The following SETBP1 variants were observed in gnomAD, a reference collection of about 807,000 sequenced individuals.
The protein encoded by SETBP1 is SET-binding protein.
A neutral mutation model predicts 101.0 loss-of-function variants in SETBP1; 9 were observed. That is an observed-to-expected ratio of 0.09 (90% confidence interval 0.05 to 0.16). The LOEUF is 0.16. Ranked by LOEUF, SETBP1 falls within the 10% of genes least tolerant of loss-of-function variation. The pLI, the probability that SETBP1 is intolerant of heterozygous loss-of-function variation, is 1.00. For missense variants in SETBP1, 1,858 were observed against 2,033.8 expected (o/e 0.91, Z 1.66); for synonymous variants, 818 against 788.5 (o/e 1.04, Z -0.63).
chr18:44,758,167 C>A (rs2070546682), intron 2 of SETBP1, among the ~76,000 whole-genome samples: 1 of 152,170 alleles, frequency 6.6e-6, no homozygotes, highest in Admixed American at 6.5e-5. Context: ...ACATAGATTA[C>A]TGAGGCAGCC....
At chr18:44,943,840 C>CTTT (rs57430235) in intron 3 of SETBP1, among the ~76,000 whole-genome samples, 31 of 142,662 alleles carry the variant, frequency 2.2e-4, no homozygotes, top group East Asian at 8.2e-4. Context: ...CTTTTTTTTT[C>CTTT]TTTTTTTTTT....
intron 2 of SETBP1, among the ~76,000 whole-genome samples, chr18:44,830,306 G>A (rs1490703527): frequency 6.6e-6 from 1 of 152,196 alleles, no homozygotes; most frequent in Non-Finnish European, 1.5e-5. Flanking sequence ...GTCTCTTTGG[G>A]AAGTGCTGCT....
rs762454166 is a variant in SETBP1 at position 44,952,079 on chromosome 18, C to T, written c.2739C>T (p.Asn913=). The T allele has an allele frequency of 3.1e-6, 5 of 1,614,092 alleles. No individual in the cohort carries two copies. The highest frequency in any genetic ancestry group is 4.2e-6 in the Non-Finnish European group (5 of 1,180,020). ...EAIPSDTSTK[N]RHGHRQKHLI... is the part of the protein sequence containing the mutation. ...TTCCGTCCGACACCAGCACAAAGAA[C>T]CGGCATGGCCACCGGCAAAAGCATC... Residue 913 remains asparagine (N), a synonymous_variant, in exon 4 of 6, where the codon AAC becomes AAT. Coordinates refer to ENST00000649279, the MANE Select transcript of SETBP1 (RefSeq NM_015559.3).
chr18:44,747,013 A>G (rs1051298051), intron 2 of SETBP1, among the ~76,000 whole-genome samples: 1 of 152,186 alleles, frequency 6.6e-6, no homozygotes, highest in African/African-American at 2.4e-5. Context: ...CCAGAGATAG[A>G]CCTTGGCCCA....
intron 3 of SETBP1, among the ~76,000 whole-genome samples, chr18:44,915,443 C>T (rs938061276): frequency 6.6e-6 from 1 of 152,172 alleles, no homozygotes; most frequent in Non-Finnish European, 1.5e-5. Flanking sequence ...CAACCCTATG[C>T]TAAACACCAC....
chr18:44,969,765 A>C (rs1051760141), intron 4 of SETBP1, among the ~76,000 whole-genome samples: 8 of 152,196 alleles, frequency 5.3e-5, no homozygotes, highest in African/African-American at 1.9e-4. Flanking sequence ...ATTGTTTGGA[A>C]AGTGAAATGA....
chr18:44,961,055 G>A (rs891945742), intron 4 of SETBP1, among the ~76,000 whole-genome samples: 1 of 152,182 alleles, frequency 6.6e-6, no homozygotes, highest in South Asian at 2.1e-4. Context: ...GAATGATGAG[G>A]GGCTTAGGCA....
At chr18:44,861,440 G>A (rs2069010003) in intron 2 of SETBP1, among the ~76,000 whole-genome samples, 1 of 151,392 alleles carries the variant, frequency 6.6e-6, no homozygotes, top group Non-Finnish European at 1.5e-5. Flanking sequence ...TGAGGTGTTA[G>A]CCAGGATGGT....
chr18:44,984,508 G>A (rs547019142), intron 4 of SETBP1, among the ~76,000 whole-genome samples: 74 of 152,268 alleles, frequency 4.9e-4, no homozygotes, highest in African/African-American at 1.7e-3. Flanking sequence ...TGCACCTGCC[G>A]CTTAACTCTT....
intron 2 of SETBP1, among the ~76,000 whole-genome samples, chr18:44,748,947 G>A (rs1200789178): frequency 2.0e-5 from 3 of 152,180 alleles, no homozygotes; most frequent in Admixed American, 1.3e-4. Flanking sequence ...AGAACACTCT[G>A]CTGGCTGTCT....
At chr18:45,041,150 G>A (rs376382127) in intron 5 of SETBP1, among the ~76,000 whole-genome samples, 2 of 152,214 alleles carry the variant, frequency 1.3e-5, no homozygotes, top group African/African-American at 2.4e-5. Flanking sequence ...CTGATTTCCA[G>A]TGGATTCCCA....
chr18:44,950,950 C>A lies in SETBP1; in HGVS notation c.1610C>A (p.Pro537Gln), dbSNP rs893030950. 3.1e-6 allele frequency: 5 copies of A among 1,614,154 alleles called. No homozygotes were observed. In the Admixed American group the frequency reaches 6.7e-5, roughly 22 times the overall value. The change falls in exon 4 of 6, where the codon CCA (proline) becomes CAA (glutamine). Residue 537 changes from proline to glutamine, a missense_variant. Pro to Gln is a moderately conservative substitution (Grantham distance 76). Coordinates refer to ENST00000649279, the MANE Select transcript of SETBP1 (RefSeq NM_015559.3). ...AAKRRWTCSK[P>Q]KPSTMLREAV... Reference sequence around the variant, plus strand: ...AAACGAAGGTGGACTTGCAGCAAACCAAAACCTAGCACCATGCTTCGAGAG... The same window carrying A: ...AAACGAAGGTGGACTTGCAGCAAACAAAAACCTAGCACCATGCTTCGAGAG...
chr18:44,903,468 C>T (rs904651809), intron 3 of SETBP1, among the ~76,000 whole-genome samples: 4 of 152,158 alleles, frequency 2.6e-5, no homozygotes, highest in Admixed American at 6.6e-5. Flanking sequence ...TGCCCAGCCA[C>T]GCTGTGAGAC....
chr18:44,969,216 C>G (rs1030515888), intron 4 of SETBP1, among the ~76,000 whole-genome samples: 1 of 152,126 alleles, frequency 6.6e-6, no homozygotes, highest in Non-Finnish European at 1.5e-5. Context: ...GGTTTCAAGG[C>G]GGGGGAAGAA....
At chr18:44,714,798 G>A (rs902953818) in intron 2 of SETBP1, among the ~76,000 whole-genome samples, 3 of 151,908 alleles carry the variant, frequency 2.0e-5, no homozygotes, top group Non-Finnish European at 4.4e-5. Flanking sequence ...AAAACCCAGG[G>A]CACTGTATTT....
intron 4 of SETBP1, among the ~76,000 whole-genome samples, chr18:44,985,287 T>C (rs987886950): frequency 2.0e-5 from 3 of 152,184 alleles, no homozygotes; most frequent in Admixed American, 6.5e-5. Flanking sequence ...TTGCCAGAAA[T>C]GGGCAGTGCC....
intron 4 of SETBP1, among the ~76,000 whole-genome samples, chr18:44,968,270 CT>C (rs2071764156): frequency 6.6e-6 from 1 of 152,110 alleles, no homozygotes; most frequent in African/African-American, 2.4e-5. Context: ...CACACAATTC[CT>C]GGGAATACAA....
intron 2 of SETBP1, among the ~76,000 whole-genome samples, chr18:44,847,024 G>A (rs1814606984): frequency 6.6e-6 from 1 of 152,112 alleles, no homozygotes; most frequent in Admixed American, 6.5e-5. Flanking sequence ...TAACTGAAAT[G>A]GCCAGACTAG....
chr18:44,682,689 T>C (rs1210359888), intron 1 of SETBP1, among the ~76,000 whole-genome samples: 1 of 152,026 alleles, frequency 6.6e-6, no homozygotes, highest in Admixed American at 6.6e-5. Flanking sequence ...AGAAATCAAG[T>C]GTGGTTAAAC....
Sources: allele counts gnomAD v4.1 joint callset (sites outside exome capture counted in the v4.1 genomes callset), GRCh38; gene constraint gnomAD v4.1.1; transcripts MANE v1.5; gene names NCBI Gene and HGNC (gene_info 2026-07-23, HGNC 2026-07-21).